The following PPARGC1A variants were observed in gnomAD, a reference collection of about 807,000 sequenced individuals.
PPARGC1A encodes the protein PPARG coactivator 1 alpha, also known as peroxisome proliferator-activated receptor gamma coactivator 1-alpha.
PPARGC1A carries 25 observed loss-of-function variants against 88.7 expected under a neutral mutation model. That is an observed-to-expected ratio of 0.28 (90% CI 0.21 to 0.39). The LOEUF is 0.39. PPARGC1A is among the 10% of genes least tolerant of loss of function. The pLI is 1.00. For missense variants in PPARGC1A, 880 were observed against 968.7 expected, an observed-to-expected ratio of 0.91 and a Z score of 1.22; for synonymous variants, 363 against 355.6, an observed-to-expected ratio of 1.02 and a Z score of -0.24.
chr4:23,968,582 A>G, the PPARGC1A span, among the ~76,000 whole-genome samples: 399 of 152,296 alleles, frequency 2.6e-3, no homozygotes, highest in Admixed American at 4.5e-3. Flanking sequence ...CTGCAACTGG[A>G]TGACAGTAAC....
the PPARGC1A span, among the ~76,000 whole-genome samples, chr4:23,947,401 A>G: frequency 2.5e-4 from 1 of 4,062 alleles, no homozygotes; most frequent in Non-Finnish European, 8.5e-4. Flanking sequence ...ATATATAAAA[A>G]AAACGGTGAT....
the PPARGC1A span, among the ~76,000 whole-genome samples, chr4:24,391,450 G>C: frequency 2.0e-5 from 3 of 152,108 alleles, no homozygotes; most frequent in Admixed American, 1.3e-4. Context: ...ACTGAAAAAG[G>C]CTTTGTTGAA....
At chr4:23,900,297 G>A (rs1719178518), upstream of PPARGC1A, among the ~76,000 whole-genome samples, 1 of 152,164 alleles carries the variant, frequency 6.6e-6, no homozygotes, top group South Asian at 2.1e-4. Context: ...TTATTGAACG[G>A]TGTCATTGAC....
the PPARGC1A span, chr4:24,258,101 G>A: frequency 2.2e-6 from 1 of 457,826 alleles, no homozygotes; most frequent in African/African-American, 2.1e-5. Flanking sequence ...ATCTGGGTGT[G>A]AAACTTGGTG....
chr4:24,387,323 A>G, the PPARGC1A span, among the ~76,000 whole-genome samples: 2 of 152,234 alleles, frequency 1.3e-5, no homozygotes, highest in African/African-American at 4.8e-5. Flanking sequence ...CATTCAGGAC[A>G]TAGACATGGG....
At chr4:23,975,504 G>A in the PPARGC1A span, among the ~76,000 whole-genome samples, 12 of 151,838 alleles carry the variant, frequency 7.9e-5, no homozygotes, top group South Asian at 2.1e-4. Flanking sequence ...TGCAACCTCC[G>A]ACTTCTGGGT....
At chr4:24,241,569 G>T in the PPARGC1A span, among the ~76,000 whole-genome samples, 1 of 152,144 alleles carries the variant, frequency 6.6e-6, no homozygotes, top group East Asian at 1.9e-4. Context: ...TTAATGTGGG[G>T]GTTTTCCATT....
chr4:23,899,778 G>A (rs998952767), upstream of PPARGC1A, among the ~76,000 whole-genome samples: 2 of 152,136 alleles, frequency 1.3e-5, no homozygotes, highest in Non-Finnish European at 2.9e-5. Context: ...TTGGGGCAGG[G>A]CAGGGAGAAC....
chr4:24,114,497 A>G, the PPARGC1A span, among the ~76,000 whole-genome samples: 1 of 152,188 alleles, frequency 6.6e-6, no homozygotes, highest in South Asian at 2.1e-4. Flanking sequence ...ACAGTGTGGT[A>G]AGTGAGTGGT....
the PPARGC1A span, among the ~76,000 whole-genome samples, chr4:24,222,053 G>T: frequency 6.6e-6 from 1 of 152,210 alleles, no homozygotes; most frequent in South Asian, 2.1e-4. Flanking sequence ...TACAAGAGAA[G>T]CATGTAATTC....
At chr4:24,217,562 G>T in the PPARGC1A span, among the ~76,000 whole-genome samples, 2 of 152,186 alleles carry the variant, frequency 1.3e-5, no homozygotes, top group African/African-American at 4.8e-5. Context: ...CAGCACCTTG[G>T]GAGGCCGAGG....
At chr4:23,945,991 C>T in the PPARGC1A span, among the ~76,000 whole-genome samples, 3 of 152,058 alleles carry the variant, frequency 2.0e-5, no homozygotes, top group African/African-American at 4.8e-5. Flanking sequence ...GAGGTGGACA[C>T]AAAGCGACAG....
the PPARGC1A span, among the ~76,000 whole-genome samples, chr4:24,325,737 ACT>A: frequency 3.1e-4 from 47 of 152,138 alleles, 1 homozygote; most frequent in African/African-American, 1.1e-3. Context: ...GCTTTGAGTA[ACT>A]CTCACAGTGG....
the PPARGC1A span, among the ~76,000 whole-genome samples, chr4:24,437,599 TGTTG>T: frequency 1.5e-5 from 1 of 67,690 alleles, no homozygotes; most frequent in Non-Finnish European, 3.3e-5. Context: ...GGTTTTTTGT[TGTTG>T]TTGTTGTTGT....
chr4:24,158,499 T>G, the PPARGC1A span, among the ~76,000 whole-genome samples: 26 of 152,300 alleles, frequency 1.7e-4, no homozygotes, highest in Non-Finnish European at 3.8e-4. Context: ...ATCGCTCACT[T>G]CCCTGAATTC....
chr4:23,978,687 A>G, the PPARGC1A span, among the ~76,000 whole-genome samples: 1 of 152,220 alleles, frequency 6.6e-6, no homozygotes, highest in African/African-American at 2.4e-5. Context: ...TACAGCTAAG[A>G]TACATTCTAA....
At chr4:23,997,781 C>A in the PPARGC1A span, among the ~76,000 whole-genome samples, 2 of 151,988 alleles carry the variant, frequency 1.3e-5, no homozygotes, top group African/African-American at 4.8e-5. Flanking sequence ...CGTGAGCCAC[C>A]GTGCCTGGCC....
intron 1 of PPARGC1A, among the ~76,000 whole-genome samples, chr4:23,895,683 A>G (rs1577687156): frequency 6.6e-6 from 1 of 152,074 alleles, no homozygotes; most frequent in African/African-American, 2.4e-5. Context: ...AATAGATGTC[A>G]GATACTACTG....
At position 23,812,791 on chromosome 4, in the gene PPARGC1A, ACT is replaced by A; in HGVS notation, c.1973_1974del (p.Glu658ValfsTer2). On this transcript the variant is annotated frameshift_variant, in exon 10 of 13. Coordinates refer to ENST00000264867, the MANE Select transcript of PPARGC1A (RefSeq NM_013261.5). LOFTEE classifies it high-confidence loss of function. ...CTCTCCCTTTGCTTGGCCCTCTCAG[ACT>A]CTCGCTTCTCATACTCTCTGCGATA... is the stretch of plus-strand genomic sequence containing the variant. ...EEYRREYEKR[E>X]SERAKQRERQ... is the part of the protein sequence containing the mutation. 6.2e-7 allele frequency: 1 copy of A among 1,613,540 alleles called. No homozygotes were observed. The highest frequency in any genetic ancestry group is 8.5e-7 in the Non-Finnish European group (1 of 1,179,906).
Sources: gnomAD v4.1 joint callset for allele counts (sites outside exome capture counted in the v4.1 genomes callset) on GRCh38, gnomAD v4.1.1 for gene constraint, MANE v1.5 for transcripts, NCBI Gene and HGNC (gene_info 2026-07-23, HGNC 2026-07-21) for gene names.